The following PARD3 variants were observed in gnomAD, a reference collection of about 807,000 sequenced individuals.
The protein encoded by PARD3 is partitioning defective 3 homolog.
In PARD3, 75 loss-of-function variants were observed where a neutral mutation model predicts 155.4. The observed-to-expected ratio is 0.48, with a 90% confidence interval of 0.40 to 0.58. The LOEUF is 0.58. Among genes scored for constraint, PARD3 ranks in the 20% least tolerant of loss-of-function variants. The probability of loss-of-function intolerance (pLI) is 0.00; values close to 1 mark genes in which losing one functional copy is unlikely to be tolerated. For synonymous variants in PARD3, 576 were observed against 610.5 expected (o/e 0.94, Z 0.83); for missense variants, 1,642 against 1,721.7 (o/e 0.95, Z 0.82).
chr10:34,460,604 C>T (rs1379428070), intron 4 of PARD3, among the ~76,000 whole-genome samples: 4 of 151,974 alleles, frequency 2.6e-5, no homozygotes, highest in East Asian at 1.9e-4. Context: ...GAGGCCGAGG[C>T]GGGTGGATAA....
intron 1 of PARD3, among the ~76,000 whole-genome samples, chr10:34,760,749 A>G (rs530475848): frequency 1.2e-4 from 18 of 152,208 alleles, no homozygotes; most frequent in Admixed American, 1.3e-4. Context: ...TAGGAGCTGC[A>G]TGTGGTGAGG....
intron 2 of PARD3, among the ~76,000 whole-genome samples, chr10:34,676,221 T>C (rs900024243): frequency 6.6e-6 from 1 of 152,222 alleles, no homozygotes; most frequent in Non-Finnish European, 1.5e-5. Context: ...AAAACAATTT[T>C]AAAACTTATG....
intron 2 of PARD3, among the ~76,000 whole-genome samples, chr10:34,688,842 T>C (rs2093997339): frequency 6.6e-6 from 1 of 152,196 alleles, no homozygotes; most frequent in African/African-American, 2.4e-5. Context: ...ATACTGCCTC[T>C]TCCCCTCCAT....
chr10:34,449,299 T>A (rs1232188158), intron 5 of PARD3, among the ~76,000 whole-genome samples: 1 of 151,998 alleles, frequency 6.6e-6, no homozygotes, highest in Non-Finnish European at 1.5e-5. Context: ...AAATATATAC[T>A]ATTTTTATCT....
chr10:34,223,793 T>C (rs897763916), intron 22 of PARD3, among the ~76,000 whole-genome samples: 2 of 152,216 alleles, frequency 1.3e-5, no homozygotes, highest in African/African-American at 4.8e-5. Context: ...CATTAACCTT[T>C]GTAACATCTC....
At chr10:34,332,159 G>A (rs750086000) in intron 18 of PARD3, among the ~76,000 whole-genome samples, 5 of 152,224 alleles carry the variant, frequency 3.3e-5, no homozygotes, top group South Asian at 2.1e-4. Flanking sequence ...GACAAATTCC[G>A]GGAATTAAAA....
At chr10:34,355,153 T>C (rs148563662) in intron 14 of PARD3, among the ~76,000 whole-genome samples, 7 of 152,014 alleles carry the variant, frequency 4.6e-5, no homozygotes, top group African/African-American at 1.2e-4. Flanking sequence ...CTGGGCAACA[T>C]AGTGAGATCC....
chr10:34,718,912 G>A (rs1052673490), intron 1 of PARD3, among the ~76,000 whole-genome samples: 10 of 152,106 alleles, frequency 6.6e-5, no homozygotes, highest in African/African-American at 1.2e-4. Flanking sequence ...GCAGTGAGCC[G>A]AGATTGAGCC....
rs35357373 is a variant in PARD3 at position 34,589,636 on chromosome 10, C to CAAA, written c.223-72480_223-72478dup. Reference sequence around the variant, plus strand: ...AGCAAAACTAATATAAGTACATGTCCAAAAAAAAAAAAAAAAAAAAAACCA... The same window carrying CAAA: ...AGCAAAACTAATATAAGTACATGTCCAAAAAAAAAAAAAAAAAAAAAAAAACCA... On this transcript the variant is annotated intron_variant, in intron 2 of 24. Coordinates refer to ENST00000374788, the MANE Select transcript of PARD3 (RefSeq NM_001184785.2). Among the ~76,000 whole-genome samples the CAAA allele has an allele frequency of 3.2e-3, 270 of 84,260 alleles. 1 individual carries two copies. The highest frequency in any genetic ancestry group is 0.011 in the African/African-American group (255 of 22,354). 55.3% of individuals were successfully genotyped at this position (84,260 alleles called of 152,430 possible). A position where few individuals can be genotyped will look rare whatever the true frequency, so the allele number is the denominator to read the frequency against.
At chr10:34,179,166 GCGCACACACACA>G (rs1176991017) in intron 22 of PARD3, among the ~76,000 whole-genome samples, 4 of 131,230 alleles carry the variant, frequency 3.0e-5, no homozygotes, top group Admixed American at 7.2e-5. Context: ...ATGTGCGTGC[GCGCACACACACA>G]CACACACACA....
intron 23 of PARD3, 120 bp downstream of exon 23, chr10:34,131,343 G>A: frequency 9.8e-7 from 1 of 1,025,474 alleles, no homozygotes; most frequent in Non-Finnish European, 1.5e-6. Flanking sequence ...ATATGTTAAA[G>A]GTCAAAGGAA....
chr10:34,720,620 A>G (rs959295522), intron 1 of PARD3, among the ~76,000 whole-genome samples: 7 of 152,026 alleles, frequency 4.6e-5, no homozygotes, highest in Non-Finnish European at 8.8e-5. Context: ...CAACAAGGAG[A>G]AATCTTGTCT....
At chr10:34,520,854 C>T (rs972417366) in intron 2 of PARD3, among the ~76,000 whole-genome samples, 2 of 152,200 alleles carry the variant, frequency 1.3e-5, no homozygotes, top group South Asian at 4.1e-4. Context: ...ACCTTTGTAG[C>T]CTCAAAAAAC....
In PARD3 at chr10:34,119,721, G is replaced by C; in HGVS notation, c.3560C>G (p.Thr1187Arg). 2.5e-6 allele frequency: 4 copies of C among 1,611,666 alleles called. No individual in the cohort carries two copies. Among genetic ancestry groups the C allele is most frequent in the Non-Finnish European group, 3.4e-6 (4 of 1,178,506 alleles). ...GGACACCGAGTGTCGCCCGCTCTGC[G>C]TCGCCGGCCGTGCGTTCGGCTGGAA... ...EQPWPNARPA[T>R]QSGRHSVSVE... The change falls in exon 24 of 25, where the codon ACG (threonine) becomes AGG (arginine). Residue 1187 changes from threonine to arginine, a missense_variant. Physicochemically the swap from Thr to Arg is moderately conservative, Grantham distance 71 (BLOSUM62 -1). This residue lies in a region of PARD3 where 1,529 missense variants were observed against 1,587.3 expected (regional missense o/e 0.96). Transcript: ENST00000374788.
intron 1 of PARD3, among the ~76,000 whole-genome samples, chr10:34,804,208 T>C (rs999096441): frequency 2.0e-5 from 3 of 152,154 alleles, no homozygotes; most frequent in African/African-American, 4.8e-5. Context: ...TAAATTTTTT[T>C]GTATTTTTAA....
At chr10:34,698,880 A>T (rs75854830) in intron 1 of PARD3, among the ~76,000 whole-genome samples, 96 of 152,202 alleles carry the variant, frequency 6.3e-4, no homozygotes, top group African/African-American at 2.3e-3. Flanking sequence ...TTCACAGCAA[A>T]TTTTTTTTAA....
chr10:34,614,483 T>C (rs1355402352), intron 2 of PARD3, among the ~76,000 whole-genome samples: 1 of 152,270 alleles, frequency 6.6e-6, no homozygotes, highest in African/African-American at 2.4e-5. Context: ...ATAAACAGTT[T>C]ATTAACAAGT....
chr10:34,261,640 G>A (rs1281124387), intron 22 of PARD3, among the ~76,000 whole-genome samples: 2 of 151,636 alleles, frequency 1.3e-5, no homozygotes, highest in Non-Finnish European at 2.9e-5. Context: ...AGTGAGCCAC[G>A]ATCACACCAC....
chr10:34,767,824 C>T (rs912008347), intron 1 of PARD3, among the ~76,000 whole-genome samples: 4 of 151,830 alleles, frequency 2.6e-5, no homozygotes, highest in Non-Finnish European at 4.4e-5. Flanking sequence ...GACATGGTGG[C>T]GCACCCTTGT....
Sources: gnomAD v4.1 joint callset for allele counts (sites outside exome capture counted in the v4.1 genomes callset) on GRCh38, gnomAD v4.1.1 for gene constraint, gnomAD v4.1.1 regional missense constraint, MANE v1.5 for transcripts, NCBI Gene and HGNC (gene_info 2026-07-23, HGNC 2026-07-21) for gene names.